Variants in MERTK observed in about 807,000 individuals in gnomAD.
MERTK encodes MER proto-oncogene, tyrosine kinase.
Under a neutral mutation model 99.3 loss-of-function variants are expected in MERTK, and 69 were observed. The ratio of observed to expected loss-of-function variants is 0.70; its 90% CI spans 0.57 to 0.85. The LOEUF (loss-of-function observed/expected upper bound fraction) is 0.85. MERTK is among the 40% of genes least tolerant of loss of function. MERTK has a pLI of 0.00. For missense variants in MERTK, 1,125 were observed against 1,249.4 expected, an observed-to-expected ratio of 0.90 and a Z score of 1.50; for synonymous variants, 426 against 467.6, an observed-to-expected ratio of 0.91 and a Z score of 1.15.
intron 1 of MERTK, among the ~76,000 whole-genome samples, chr2:111,917,508 G>C (rs1516639): frequency 0.46 from 70,537 of 151,988 alleles, 16,538 homozygotes; most frequent in East Asian, 0.74. Flanking sequence ...AAAGGAAACC[G>C]ATTTGTTCTT....
At chr2:112,003,221 G>T in intron 12 of MERTK, 34 bp downstream of exon 12, 1 of 972,714 alleles carries the variant, frequency 1.0e-6, no homozygotes, top group East Asian at 2.4e-5. Context: ...TTAAAATGTG[G>T]GATAAGAAGG....
chr2:111,959,847 G>A (rs1344009123), intron 4 of MERTK, among the ~76,000 whole-genome samples: 2 of 152,132 alleles, frequency 1.3e-5, no homozygotes, highest in Non-Finnish European at 2.9e-5. Flanking sequence ...TCTTGTTTAT[G>A]TGGGTCATAT....
At chr2:111,988,023 T>TC in intron 8 of MERTK, among the ~76,000 whole-genome samples, 1 of 150,390 alleles carries the variant, frequency 6.6e-6, no homozygotes, top group South Asian at 2.1e-4. Context: ...AGAGTCTCAC[T>TC]CTGTCATTCA....
intron 15 of MERTK, 79 bp from the exon 16 acceptor site, chr2:112,019,334 T>C (rs1173565796): frequency 2.0e-6 from 2 of 1,021,256 alleles, no homozygotes; most frequent in African/African-American, 3.2e-5. Flanking sequence ...TAAAGCATCC[T>C]TTCCCCCCCC....
chr2:111,996,038 A>T (rs1456305454), intron 9 of MERTK: 1 of 154,258 alleles, frequency 6.5e-6, no homozygotes, highest in African/African-American at 2.4e-5. Context: ...GGCTGGGCGC[A>T]GTGGCTCATG....
intron 13 of MERTK, among the ~76,000 whole-genome samples, chr2:112,004,259 CTCTT>C (rs1407151201): frequency 6.6e-6 from 1 of 152,102 alleles, no homozygotes; most frequent in Non-Finnish European, 1.5e-5. Flanking sequence ...CTCACTGTCT[CTCTT>C]TCTCTCACTC....
intron 1 of MERTK, among the ~76,000 whole-genome samples, chr2:111,908,394 A>G (rs1048140123): frequency 2.0e-5 from 3 of 152,116 alleles, no homozygotes; most frequent in Non-Finnish European, 2.9e-5. Context: ...TCGCCTGTGT[A>G]CTCACTACTT....
At chr2:111,922,761 G>A (rs943131830) in intron 1 of MERTK, among the ~76,000 whole-genome samples, 1 of 152,216 alleles carries the variant, frequency 6.6e-6, no homozygotes, top group African/African-American at 2.4e-5. Flanking sequence ...GGACTGGGTG[G>A]GCCTCAGCCC....
Position 112,016,890 on chromosome 2 carries a change from C to T in MERTK, c.2080-2523C>T, listed in dbSNP as rs527729447. Among the ~76,000 whole-genome samples the T allele has an allele frequency of 3.9e-5, 6 of 152,250 alleles. No individual in the cohort carries two copies. The East Asian group carries it at 5.8e-4, about 15-fold the overall frequency. ...GGATCACCTGAGGTCAGGATGTGTC[C>T]GGAGTTGGTTCCTTCTGGTGGGTTC... is the stretch of plus-strand genomic sequence containing the variant. On this transcript the variant is annotated intron_variant, in intron 15 of 18. Transcript: ENST00000295408.
At chr2:111,961,900 G>A (rs1199307181) in intron 4 of MERTK, among the ~76,000 whole-genome samples, 1 of 152,186 alleles carries the variant, frequency 6.6e-6, no homozygotes, top group East Asian at 1.9e-4. Context: ...GCAGACATCC[G>A]ACCAGGAACA....
At chr2:111,988,227 C>T (rs560170329) in intron 8 of MERTK, among the ~76,000 whole-genome samples, 2 of 152,224 alleles carry the variant, frequency 1.3e-5, no homozygotes, top group Middle Eastern at 3.4e-3. Context: ...TCCTTTTCTC[C>T]CTCTTTCTCA....
At chr2:111,994,211 C>T (rs770932953) in intron 8 of MERTK, 40 bp from the exon 9 acceptor site, 18 of 1,611,940 alleles carry the variant, frequency 1.1e-5, no homozygotes, top group Non-Finnish European at 1.4e-5. Context: ...TTTGCCCAGA[C>T]CTCAGTGTTT....
At chr2:111,944,368 A>G (rs1057210471) in intron 2 of MERTK, among the ~76,000 whole-genome samples, 2 of 151,584 alleles carry the variant, frequency 1.3e-5, no homozygotes, top group Admixed American at 6.6e-5. Context: ...GGGTTTTTCC[A>G]AGAAACCGAA....
chr2:111,946,595 A>C (rs1477851163), intron 3 of MERTK, among the ~76,000 whole-genome samples: 1 of 152,228 alleles, frequency 6.6e-6, no homozygotes, highest in Non-Finnish European at 1.5e-5. Context: ...TGCTTTGAAA[A>C]GCACTCAGCC....
intron 3 of MERTK, 144 bp from the exon 4 acceptor site, chr2:111,947,250 G>A (rs1329871543): frequency 3.4e-6 from 3 of 879,328 alleles, no homozygotes; most frequent in East Asian, 2.6e-5. Context: ...TCCAGCCTGG[G>A]TGACAGAGCA....
At chr2:111,926,033 G>A (rs969104787) in intron 1 of MERTK, among the ~76,000 whole-genome samples, 4 of 151,662 alleles carry the variant, frequency 2.6e-5, no homozygotes, top group African/African-American at 4.8e-5. Flanking sequence ...GGGTTTCACC[G>A]TGTTAGCCAG....
chr2:111,913,046 G>C, intron 1 of MERTK: 1 of 985,414 alleles, frequency 1.0e-6, no homozygotes, highest in South Asian at 4.7e-5. Flanking sequence ...AAGGCCTGGC[G>C]AAAGGTGAAA....
At position 112,002,330 on chromosome 2, in the gene MERTK, T is replaced by C. The variant is rs1676885506; in HGVS notation, c.1691-762T>C. On this transcript the variant is annotated intron_variant, in intron 11 of 18. Coordinates refer to ENST00000295408, the MANE Select transcript of MERTK (RefSeq NM_006343.3). ...TACAGTATGTAAAATAAGAGCTTAT[T>C]CTCTAGATGTTTCCTGTGGTTTGTG... is the stretch of plus-strand genomic sequence containing the variant. Among the ~76,000 whole-genome samples, 7 of 152,346 alleles carry C rather than the reference T, an allele frequency of 4.6e-5. No individual in the cohort carries two copies. The South Asian group carries it at 1.4e-3, about 32-fold the overall frequency.
At chr2:111,994,973 C>T (rs1162291762) in intron 9 of MERTK, 1 of 222,652 alleles carries the variant, frequency 4.5e-6, no homozygotes, top group Non-Finnish European at 9.1e-6. Context: ...ACTTATTGAA[C>T]TTAGTTGCAA....
Sources: gnomAD v4.1 joint callset for allele counts (sites outside exome capture counted in the v4.1 genomes callset) on GRCh38, gnomAD v4.1.1 for gene constraint, MANE v1.5 for transcripts, NCBI Gene and HGNC (gene_info 2026-07-23, HGNC 2026-07-21) for gene names.